The following DNAH3 variants were observed in gnomAD, a reference collection of about 807,000 sequenced individuals.
DNAH3 encodes the protein dynein axonemal heavy chain 3.
DNAH3 carries 332 observed loss-of-function variants against 432.5 expected under a neutral mutation model. That is an observed-to-expected ratio of 0.77 (90% CI 0.70 to 0.84). DNAH3 has a LOEUF of 0.84. Ranked by LOEUF, DNAH3 falls within the 40% of genes least tolerant of loss-of-function variation. The pLI, the probability that DNAH3 is intolerant of heterozygous loss-of-function variation, is 0.00. For missense variants in DNAH3, 4,861 were observed against 5,114.0 expected, an observed-to-expected ratio of 0.95 and a Z score of 1.51; for synonymous variants, 1,956 against 1,900.2, an observed-to-expected ratio of 1.03 and a Z score of -0.76.
At chr16:21,075,126 G>A (rs924783905) in intron 21 of DNAH3, among the ~76,000 whole-genome samples, 6 of 152,166 alleles carry the variant, frequency 3.9e-5, no homozygotes, top group African/African-American at 1.2e-4. Flanking sequence ...TGCTTCTGAC[G>A]GGACTGGGAA....
intron 24 of DNAH3, among the ~76,000 whole-genome samples, chr16:21,066,155 T>C (rs2090539456): frequency 6.6e-6 from 1 of 151,566 alleles, no homozygotes; most frequent in Non-Finnish European, 1.5e-5. Flanking sequence ...AAATCATTTT[T>C]TGTTTTTTTT....
intron 3 of DNAH3, among the ~76,000 whole-genome samples, chr16:21,142,619 C>A (rs1393053880): frequency 6.6e-6 from 1 of 150,790 alleles, no homozygotes; most frequent in Non-Finnish European, 1.5e-5. Flanking sequence ...TTGAACTTCT[C>A]AAAATAGTCC....
chr16:21,111,022 CAATTAGAAAAT>C lies in DNAH3; in HGVS notation c.2099+593_2099+603del, dbSNP rs1334922639. ...CATAGCAAGACCCTGTCTCTGAAAA[CAATTAGAAAAT>C]TCGCCAGCCATGATGGTGGATGCCT... On this transcript the variant is annotated intron_variant, in intron 14 of 61. Coordinates refer to ENST00000261383, the Ensembl canonical transcript of DNAH3. Among the ~76,000 whole-genome samples the C allele has an allele frequency of 2.0e-5, 3 of 152,140 alleles. No homozygotes were observed. The East Asian group carries it at 5.8e-4, about 30-fold the overall frequency.
At chr16:21,104,419 G>T in intron 16 of DNAH3, 52 bp downstream of exon 16, 1 of 1,504,082 alleles carries the variant, frequency 6.6e-7, no homozygotes, top group Non-Finnish European at 9.3e-7. Context: ...CCTGCAGCAT[G>T]GGTGAAGAAG....
chr16:21,067,491 G>A, intron 23 of DNAH3, 72 bp from the exon 24 acceptor site: 2 of 1,534,768 alleles, frequency 1.3e-6, no homozygotes, highest in African/African-American at 2.7e-5. Flanking sequence ...TGTATTGAAT[G>A]TGTGACCTAT....
intron 5 of DNAH3, among the ~76,000 whole-genome samples, chr16:21,137,872 T>G (rs1567857937): frequency 6.6e-6 from 1 of 152,194 alleles, no homozygotes; most frequent in Non-Finnish European, 1.5e-5. Flanking sequence ...GCTGAGTGGC[T>G]CTGGGAATGA....
intron 54 of DNAH3, among the ~76,000 whole-genome samples, chr16:20,957,833 A>C (rs1354431134): frequency 8.8e-6 from 1 of 113,490 alleles, no homozygotes; most frequent in African/African-American, 3.2e-5. Context: ...AAAAAAAAAA[A>C]AAAAAAAAAA....
At chr16:20,943,834 T>A (rs1371395366) in intron 58 of DNAH3, among the ~76,000 whole-genome samples, 2 of 150,004 alleles carry the variant, frequency 1.3e-5, no homozygotes, top group African/African-American at 2.4e-5. Flanking sequence ...TACAAAAAAA[T>A]TTAGCTGGGC....
intron 54 of DNAH3, among the ~76,000 whole-genome samples, chr16:20,958,490 A>AGCTGTAAGAT (rs1387372851): frequency 6.6e-6 from 1 of 152,172 alleles, no homozygotes; most frequent in East Asian, 1.9e-4. Context: ...CATATACCAG[A>AGCTGTAAGAT]GCTGTAAGAT....
At chr16:21,074,908 C>T (rs2090921320) in intron 21 of DNAH3, among the ~76,000 whole-genome samples, 2 of 152,118 alleles carry the variant, frequency 1.3e-5, no homozygotes, top group Non-Finnish European at 2.9e-5. Context: ...TGTACAAACT[C>T]CTGTGTTTTC....
At chr16:21,090,034 T>C (rs568897149) in intron 18 of DNAH3, among the ~76,000 whole-genome samples, 1 of 152,030 alleles carries the variant, frequency 6.6e-6, no homozygotes, top group East Asian at 1.9e-4. Flanking sequence ...AATAAGGGAA[T>C]GCTATAAACA....
chr16:20,985,958 C>G (rs536646759), intron 47 of DNAH3, among the ~76,000 whole-genome samples: 1 of 151,860 alleles, frequency 6.6e-6, no homozygotes, highest in South Asian at 2.1e-4. Context: ...TGGGTTCAAG[C>G]GATTCTCCCG....
rs561771508 is a variant in DNAH3, at chr16:21,057,074, G to A, written c.3924+1012C>T. Among the ~76,000 whole-genome samples, 5 of 152,234 alleles carry A rather than the reference G, an allele frequency of 3.3e-5. No homozygotes were observed. The South Asian group carries it at 1.0e-3, about 32-fold the overall frequency. ...CAGGAGGTCTGGTGAGATATTCATG[G>A]AGAATCAAACCATGGAAGAAAGGCT... On this transcript the variant is annotated intron_variant, in intron 27 of 61. Coordinates refer to ENST00000261383, the Ensembl canonical transcript of DNAH3.
At chr16:21,049,569 C>G in exon 31 of DNAH3, 1 of 1,613,868 alleles carries the variant, frequency 6.2e-7, no homozygotes, top group African/African-American at 1.3e-5. Context: ...GCAGAGTTAC[C>G]TCGATCCTGT....
chr16:21,145,404 A>AC lies in DNAH3; in HGVS notation c.224_225insG (p.Val76CysfsTer33). The AC allele has an allele frequency of 6.2e-7, 1 of 1,613,568 alleles. No homozygotes were observed. ...GCGGGTAAAAGCTGTGTGACATGAC[A>AC]GTCTACGAGGTAAGAAGTGCAGAGT... On this transcript the variant is annotated frameshift_variant and splice_region_variant, in exon 3 of 62. Coordinates refer to ENST00000261383, the Ensembl canonical transcript of DNAH3. LOFTEE classifies it high-confidence loss of function.
In DNAH3 at chr16:21,098,416, G is replaced by C. The variant is rs560494940; in HGVS notation, c.2520+200C>G. On this transcript the variant is annotated intron_variant, in intron 17 of 61. Coordinates refer to ENST00000261383, the Ensembl canonical transcript of DNAH3. ...GTCACATTACTGCACTCCAGCCTGCGCAACAGAGTGAGACCTTGTCTCAAA... is the reference window on the plus strand; with the variant it reads ...GTCACATTACTGCACTCCAGCCTGCCCAACAGAGTGAGACCTTGTCTCAAA... 2.1e-5 allele frequency among the ~76,000 whole-genome samples: 3 copies of C among 140,430 alleles called. No homozygotes were observed. In the Admixed American group the frequency reaches 2.3e-4, roughly 11 times the overall value. The allele number at this position is 140,430 out of a possible 152,430, so 92.1% of individuals were successfully genotyped here. A position where few individuals can be genotyped will look rare whatever the true frequency, so the allele number is the denominator to read the frequency against.
At chr16:20,963,245 T>C in intron 53 of DNAH3, 39 bp downstream of exon 53, 1 of 1,585,492 alleles carries the variant, frequency 6.3e-7, no homozygotes, top group Non-Finnish European at 8.6e-7. Flanking sequence ...CCACACATAC[T>C]GGGCTTTCCA....
In DNAH3 at chr16:21,042,205, TGG is replaced by T; in HGVS notation, c.4462-4_4462-3del. The T allele has an allele frequency of 6.3e-7, 1 of 1,591,356 alleles. No homozygotes were observed. On this transcript the variant is annotated splice_region_variant and splice_polypyrimidine_tract_variant and intron_variant, in intron 31 of 61. Transcript: ENST00000261383. Reference sequence around the variant, plus strand: ...AGCGACCACAGACAGCACTTCTACCTGGGGTGAGAATGCCCGGCTGATAAGAG... The same window carrying T: ...AGCGACCACAGACAGCACTTCTACCTGGTGAGAATGCCCGGCTGATAAGAG...
In DNAH3 at chr16:21,030,794, A is replaced by T. The variant is rs372882496; in HGVS notation, c.5439+251T>A. Among the ~76,000 whole-genome samples the T allele has an allele frequency of 4.6e-5, 7 of 152,276 alleles. No homozygotes were observed. The South Asian group carries it at 1.5e-3, about 32-fold the overall frequency. On this transcript the variant is annotated intron_variant, in intron 37 of 61. Transcript: ENST00000261383. Reference sequence around the variant, plus strand: ...GCTCAGTTGCAGGGCTAGGAGTCCAAACTGATGCCAGCACTAAGGCTCACT... The same window carrying T: ...GCTCAGTTGCAGGGCTAGGAGTCCATACTGATGCCAGCACTAAGGCTCACT...
Sources: gnomAD v4.1 joint callset for allele counts (sites outside exome capture counted in the v4.1 genomes callset) on GRCh38, gnomAD v4.1.1 for gene constraint, MANE v1.5 for transcripts, NCBI Gene and HGNC (gene_info 2026-07-23, HGNC 2026-07-21) for gene names.